The following MYRIP variants were observed in gnomAD, a reference collection of about 807,000 sequenced individuals.
The protein encoded by MYRIP is myosin VIIA and Rab interacting protein, also known as rab effector MyRIP.
In MYRIP, 49 loss-of-function variants were observed where a neutral mutation model predicts 98.0. The ratio of observed to expected loss-of-function variants is 0.50; its 90% CI spans 0.40 to 0.63. The LOEUF (loss-of-function observed/expected upper bound fraction) is 0.63, where lower values mean the gene tolerates loss of function less well. Ranked by LOEUF, MYRIP falls within the 30% of genes least tolerant of loss-of-function variation. The pLI is 0.00. For synonymous variants in MYRIP, 404 were observed against 409.5 expected (o/e 0.99, Z 0.16); for missense variants, 1,004 against 1,058.2 (o/e 0.95, Z 0.71).
intron 1 of MYRIP, among the ~76,000 whole-genome samples, chr3:39,827,632 T>C (rs1941309429): frequency 6.6e-6 from 1 of 152,198 alleles, no homozygotes; most frequent in African/African-American, 2.4e-5. Context: ...TCCTTTTTTT[T>C]CTTCTTTGTG....
intron 11 of MYRIP, among the ~76,000 whole-genome samples, chr3:40,224,430 G>C (rs1952433086): frequency 1.4e-5 from 2 of 140,430 alleles, no homozygotes. Context: ...AAAAAAAAAA[G>C]ATCAATGGCT....
intron 2 of MYRIP, among the ~76,000 whole-genome samples, chr3:40,039,599 A>G (rs1277866028): frequency 6.6e-6 from 1 of 152,132 alleles, no homozygotes; most frequent in Non-Finnish European, 1.5e-5. Context: ...GAGTGGAAAT[A>G]AAGAACATAT....
At chr3:39,984,438 C>T (rs1317691231) in intron 2 of MYRIP, among the ~76,000 whole-genome samples, 1 of 151,826 alleles carries the variant, frequency 6.6e-6, no homozygotes, top group African/African-American at 2.4e-5. Context: ...CATGTGTTCT[C>T]ATTGTTCAAT....
At chr3:39,870,728 T>C (rs1364223283) in intron 1 of MYRIP, among the ~76,000 whole-genome samples, 1 of 152,216 alleles carries the variant, frequency 6.6e-6, no homozygotes, top group East Asian at 1.9e-4. Flanking sequence ...TGTAGTTAAC[T>C]TGTGTTTTTC....
chr3:39,836,635 A>G (rs888652906), intron 1 of MYRIP, among the ~76,000 whole-genome samples: 1 of 152,216 alleles, frequency 6.6e-6, no homozygotes, highest in African/African-American at 2.4e-5. Flanking sequence ...ACACTGGCAC[A>G]CAGATATTCT....
chr3:40,087,018 A>G (rs1948642678), intron 3 of MYRIP, among the ~76,000 whole-genome samples: 1 of 152,064 alleles, frequency 6.6e-6, no homozygotes, highest in African/African-American at 2.4e-5. Flanking sequence ...GCCAGAAGGC[A>G]TTATCAGTTA....
chr3:39,896,952 A>G (rs1575356799), intron 1 of MYRIP, among the ~76,000 whole-genome samples: 1 of 152,314 alleles, frequency 6.6e-6, no homozygotes, highest in African/African-American at 2.4e-5. Flanking sequence ...CAGGAATAAC[A>G]TAGACAATTC....
At chr3:40,130,769 G>T (rs1448068334) in intron 3 of MYRIP, among the ~76,000 whole-genome samples, 1 of 151,956 alleles carries the variant, frequency 6.6e-6, no homozygotes, top group East Asian at 1.9e-4. Context: ...TGCCCACCAG[G>T]TCTTACCACC....
In MYRIP at chr3:40,100,300, G is replaced by T. The variant is rs145133431; in HGVS notation, c.333-50748G>T. Reference sequence around the variant, plus strand: ...TGACTTGTCCTTTATTTCACAATTTGCTATTATTGATTATGTACTATAATC... The same window carrying T: ...TGACTTGTCCTTTATTTCACAATTTTCTATTATTGATTATGTACTATAATC... On this transcript the variant is annotated intron_variant, in intron 3 of 16. Transcript: ENST00000302541. 7.2e-6 allele frequency: 7 copies of T among 978,834 alleles called. No individual in the cohort carries two copies. The African/African-American group carries it at 1.0e-4, about 15-fold the overall frequency. 60.6% of individuals were successfully genotyped at this position (978,834 alleles called of 1,614,324 possible).
At chr3:39,974,865 A>T (rs978290832) in intron 2 of MYRIP, among the ~76,000 whole-genome samples, 60 of 152,006 alleles carry the variant, frequency 3.9e-4, no homozygotes, top group Non-Finnish European at 1.6e-4. Context: ...CATGCTAAAA[A>T]CTCTCAATAA....
At chr3:39,918,083 C>T (rs1005220742) in intron 2 of MYRIP, among the ~76,000 whole-genome samples, 7 of 152,204 alleles carry the variant, frequency 4.6e-5, no homozygotes, top group East Asian at 3.9e-4. Flanking sequence ...CCCGCCACCA[C>T]GCCCAGCTAA....
chr3:39,957,878 A>G (rs932639660), intron 2 of MYRIP, among the ~76,000 whole-genome samples: 2 of 152,206 alleles, frequency 1.3e-5, no homozygotes, highest in Non-Finnish European at 2.9e-5. Flanking sequence ...ATTCCTATAC[A>G]CCAATAATAG....
chr3:39,948,084 GATGA>G (rs1364418987), intron 2 of MYRIP, among the ~76,000 whole-genome samples: 1 of 152,078 alleles, frequency 6.6e-6, no homozygotes, highest in East Asian at 1.9e-4. Context: ...CAATGTAATG[GATGA>G]CTTTTCAAAA....
chr3:40,071,151 C>T (rs1948216407), intron 3 of MYRIP: 1 of 985,292 alleles, frequency 1.0e-6, no homozygotes, highest in Non-Finnish European at 1.2e-6. Context: ...GAGCCATCTC[C>T]CTGACTTGTT....
chr3:40,131,131 T>A (rs1034550164), intron 3 of MYRIP, among the ~76,000 whole-genome samples: 1 of 152,246 alleles, frequency 6.6e-6, no homozygotes, highest in Non-Finnish European at 1.5e-5. Flanking sequence ...GCAATACTTC[T>A]ACCTGCCCCC....
intron 2 of MYRIP, among the ~76,000 whole-genome samples, chr3:39,916,243 T>G (rs994045384): frequency 2.0e-5 from 3 of 152,038 alleles, no homozygotes; most frequent in African/African-American, 4.8e-5. Context: ...GTTCATTAGC[T>G]TTAACAGTGG....
chr3:40,102,017 G>A lies in MYRIP; in HGVS notation c.333-49031G>A, dbSNP rs944368341. On this transcript the variant is annotated intron_variant, in intron 3 of 16. Transcript: ENST00000302541. ...TCAGTAGGTCTTTTTCTTTAGAGTC[G>A]GTCAGTTTCTCAGAAAGGAATGCTC... Among the ~76,000 whole-genome samples the A allele has an allele frequency of 5.9e-5, 9 of 152,152 alleles. No homozygotes were observed. In the East Asian group the frequency reaches 7.7e-4, roughly 13 times the overall value.
intron 3 of MYRIP, among the ~76,000 whole-genome samples, chr3:40,109,900 T>C (rs1949123814): frequency 2.0e-5 from 3 of 152,234 alleles, no homozygotes; most frequent in African/African-American, 7.2e-5. Context: ...GTCTTAGTCA[T>C]GTCCCTGCTG....
intron 3 of MYRIP, among the ~76,000 whole-genome samples, chr3:40,139,333 A>G (rs1467498027): frequency 6.6e-6 from 1 of 152,184 alleles, no homozygotes; most frequent in African/African-American, 2.4e-5. Flanking sequence ...ATATACAATC[A>G]TATAACCACT....
Sources: gnomAD v4.1 joint callset for allele counts (sites outside exome capture counted in the v4.1 genomes callset) on GRCh38, gnomAD v4.1.1 for gene constraint, MANE v1.5 for transcripts, NCBI Gene and HGNC (gene_info 2026-07-23, HGNC 2026-07-21) for gene names.